The following UBE2E3 variants were observed in gnomAD, a reference collection of about 807,000 sequenced individuals.
UBE2E3 encodes the protein ubiquitin-conjugating enzyme E2 E3.
In UBE2E3, 5 loss-of-function variants were observed where a neutral mutation model predicts 23.6. The observed-to-expected ratio is 0.21, with a 90% CI of 0.11 to 0.44. The LOEUF is 0.44. Ranked by LOEUF, UBE2E3 falls within the 20% of genes least tolerant of loss-of-function variation. The pLI is 0.99. For missense variants in UBE2E3, 81 were observed against 249.8 expected (o/e 0.32, Z 4.55); for synonymous variants, 78 against 87.5 (o/e 0.89, Z 0.60).
At chr2:180,993,170 C>T (rs1053709225) in intron 3 of UBE2E3, among the ~76,000 whole-genome samples, 2 of 152,142 alleles carry the variant, frequency 1.3e-5, no homozygotes, top group South Asian at 2.1e-4. Context: ...ATGTGCCCGT[C>T]GGTAGGTGGT....
intron 3 of UBE2E3, among the ~76,000 whole-genome samples, chr2:181,056,442 C>T (rs1027889857): frequency 6.6e-6 from 1 of 151,698 alleles, no homozygotes; most frequent in African/African-American, 2.4e-5. Context: ...CTTCAACTCA[C>T]AGTGGAAAGG....
intron 3 of UBE2E3, among the ~76,000 whole-genome samples, chr2:181,018,438 T>G (rs1685565171): frequency 6.6e-6 from 1 of 152,062 alleles, no homozygotes; most frequent in African/African-American, 2.4e-5. Context: ...ATATTTGGCC[T>G]AGGATTGTAC....
At chr2:181,006,607 C>T (rs1209385797) in intron 3 of UBE2E3, among the ~76,000 whole-genome samples, 2 of 151,980 alleles carry the variant, frequency 1.3e-5, no homozygotes, top group African/African-American at 4.8e-5. Context: ...TCAAATTTAA[C>T]TGAGTAGTTT....
chr2:181,034,839 A>G (rs1686218312), intron 3 of UBE2E3, among the ~76,000 whole-genome samples: 1 of 152,186 alleles, frequency 6.6e-6, no homozygotes, highest in Non-Finnish European at 1.5e-5. Context: ...AACAGGTGAA[A>G]TGATTTGAGT....
intron 3 of UBE2E3, among the ~76,000 whole-genome samples, chr2:181,042,616 G>A (rs185223823): frequency 1.3e-5 from 2 of 152,132 alleles, no homozygotes; most frequent in Admixed American, 6.6e-5. Context: ...TAGAATTCAG[G>A]TTCTGCCACG....
intron 3 of UBE2E3, among the ~76,000 whole-genome samples, chr2:180,998,669 C>T (rs1018671973): frequency 6.6e-6 from 1 of 151,984 alleles, no homozygotes; most frequent in Non-Finnish European, 1.5e-5. Flanking sequence ...AGGCCCTGTG[C>T]GTGAGCATGT....
chr2:180,999,653 G>A (rs575439435), intron 3 of UBE2E3, among the ~76,000 whole-genome samples: 17 of 147,710 alleles, frequency 1.2e-4, no homozygotes, highest in Non-Finnish European at 1.5e-4. Context: ...CAAAAAAAAA[G>A]AAAACCAAAA....
At chr2:181,037,292 C>T (rs553865280) in intron 3 of UBE2E3, among the ~76,000 whole-genome samples, 1 of 152,166 alleles carries the variant, frequency 6.6e-6, no homozygotes, top group Admixed American at 6.5e-5. Context: ...AGAGTGTACT[C>T]CTTATTTTTT....
chr2:181,060,105 G>T (rs561633108), intron 4 of UBE2E3, among the ~76,000 whole-genome samples: 1 of 151,644 alleles, frequency 6.6e-6, no homozygotes, highest in Admixed American at 6.6e-5. Flanking sequence ...CAGTGAACCA[G>T]CTGTAGAAAT....
Position 181,034,632 on chromosome 2 carries a change from G to A in UBE2E3, c.246-23061G>A, listed in dbSNP as rs145437386. ...CATGGCACATGTATACATATGTAAC[G>A]AACCTGCACGTTGTGCACATGTACC... On this transcript the variant is annotated intron_variant, in intron 3 of 5. Coordinates refer to ENST00000410062, the MANE Select transcript of UBE2E3 (RefSeq NM_006357.4). 6.0e-3 allele frequency among the ~76,000 whole-genome samples: 908 copies of A among 152,130 alleles called. 6 individuals carry two copies. Among genetic ancestry groups the A allele is most frequent in the African/African-American group, 0.016 (683 of 41,496 alleles).
At chr2:181,049,585 T>C (rs558632510) in intron 3 of UBE2E3, among the ~76,000 whole-genome samples, 1 of 152,070 alleles carries the variant, frequency 6.6e-6, no homozygotes, top group Non-Finnish European at 1.5e-5. Flanking sequence ...ACTGTCATAA[T>C]AGGCCTTAAG....
intron 3 of UBE2E3, among the ~76,000 whole-genome samples, chr2:181,043,635 CAAA>C (rs1055326195): frequency 1.1e-4 from 16 of 152,006 alleles, no homozygotes; most frequent in Non-Finnish European, 2.2e-4. Context: ...TTTGATAAGA[CAAA>C]AACACAAGAA....
intron 3 of UBE2E3, among the ~76,000 whole-genome samples, chr2:181,027,570 G>T (rs1685935873): frequency 6.6e-6 from 1 of 151,858 alleles, no homozygotes. Flanking sequence ...AAGCATTATG[G>T]AGATTAGAAA....
chr2:181,059,343 A>G (rs989275423), intron 4 of UBE2E3, among the ~76,000 whole-genome samples: 1 of 151,772 alleles, frequency 6.6e-6, no homozygotes, highest in African/African-American at 2.4e-5. Flanking sequence ...TCTGTTCACT[A>G]GTTATAGCTG....
At chr2:181,006,409 C>T (rs1044196365) in intron 3 of UBE2E3, among the ~76,000 whole-genome samples, 3 of 149,168 alleles carry the variant, frequency 2.0e-5, no homozygotes, top group Admixed American at 1.4e-4. Flanking sequence ...CACCTTTTGC[C>T]GTTCCAGATT....
At chr2:180,998,656 T>C (rs1172166057) in intron 3 of UBE2E3, among the ~76,000 whole-genome samples, 2 of 152,114 alleles carry the variant, frequency 1.3e-5, no homozygotes, top group Non-Finnish European at 2.9e-5. Flanking sequence ...TACAAGAATA[T>C]TAAGGCCCTG....
At chr2:181,026,966 T>A (rs1426907237) in intron 3 of UBE2E3, among the ~76,000 whole-genome samples, 1 of 151,970 alleles carries the variant, frequency 6.6e-6, no homozygotes, top group Non-Finnish European at 1.5e-5. Flanking sequence ...TTATGTAGAT[T>A]TTACTAATCA....
intron 5 of UBE2E3, among the ~76,000 whole-genome samples, chr2:181,061,920 A>G (rs1440189546): frequency 6.6e-6 from 1 of 151,644 alleles, no homozygotes; most frequent in Admixed American, 6.6e-5. Context: ...TTATTAGAGT[A>G]TTGGAAACAA....
intron 3 of UBE2E3, among the ~76,000 whole-genome samples, chr2:181,011,842 A>G (rs1021989516): frequency 6.6e-6 from 1 of 152,182 alleles, no homozygotes; most frequent in Non-Finnish European, 1.5e-5. Flanking sequence ...AGAGCAAATG[A>G]TAAGGATGGA....
Sources: gnomAD v4.1 joint callset for allele counts (sites outside exome capture counted in the v4.1 genomes callset) on GRCh38, gnomAD v4.1.1 for gene constraint, MANE v1.5 for transcripts, NCBI Gene and HGNC (gene_info 2026-07-23, HGNC 2026-07-21) for gene names.